PRSS23: variants seen among roughly 807,000 people sequenced by gnomAD.
PRSS23 encodes serine protease 23, also known as protease, serine 23.
PRSS23 carries 25 observed loss-of-function variants against 34.7 expected under a neutral mutation model. The observed-to-expected ratio is 0.72, with a 90% CI of 0.53 to 1.01. The LOEUF is 1.01. Among genes scored for constraint, PRSS23 ranks in the 50% least tolerant of loss-of-function variants. The probability of loss-of-function intolerance (pLI) is 0.00; values close to 1 mark genes in which losing one functional copy is unlikely to be tolerated. For synonymous variants in PRSS23, 176 were observed against 186.6 expected (o/e 0.94, Z 0.46); for missense variants, 445 against 475.6 (o/e 0.94, Z 0.60).
In PRSS23 at chr11:86,808,234, C is replaced by T. The variant is rs779950549; in HGVS notation, c.591C>T (p.Pro197=). 1 of 1,614,048 alleles carries T rather than the reference C, an allele frequency of 6.2e-7. No homozygotes were observed. Among genetic ancestry groups the T allele is most frequent in the Admixed American group, 1.7e-5 (1 of 60,020 alleles). Residue 197 remains proline, a synonymous_variant, in exon 2 of 2, where the codon CCC becomes CCT. Transcript: ENST00000280258. The part of the protein sequence containing the change: ...TQKLRVGFLK[P]KFKDGGRGAN... ...AGCTTCGAGTGGGCTTCCTAAAGCC[C>T]AAGTTTAAAGATGGTGGTCGAGGGG...
chr11:86,823,702 G>A (rs895769592), intron 2 of PRSS23: 2 of 660,048 alleles, frequency 3.0e-6, no homozygotes, highest in Admixed American at 4.3e-5. Flanking sequence ...ATGTCACATT[G>A]GTTTCATCAA....
intron 2 of PRSS23, among the ~76,000 whole-genome samples, chr11:86,864,177 A>G (rs1004267357): frequency 6.6e-6 from 1 of 152,126 alleles, no homozygotes; most frequent in African/African-American, 2.4e-5. Context: ...GACTGCAGCC[A>G]TTACACACAC....
chr11:86,821,409 G>T, intron 1 of PRSS23: 1 of 1,434,066 alleles, frequency 7.0e-7, no homozygotes, highest in Non-Finnish European at 9.8e-7. Flanking sequence ...GGAAAACATT[G>T]ATTGCTCTTC....
chr11:86,922,244 C>T (rs1168102867), intron 2 of PRSS23: 1 of 152,216 alleles, frequency 6.6e-6, no homozygotes, highest in Admixed American at 6.5e-5. Context: ...CCAAGTTAAA[C>T]ATGCCTTGTT....
chr11:86,879,967 G>T (rs1253061524), intron 2 of PRSS23, among the ~76,000 whole-genome samples: 10 of 151,474 alleles, frequency 6.6e-5, no homozygotes, highest in Admixed American at 1.3e-4. Flanking sequence ...CATTGAGAAC[G>T]GGCCATGATG....
At chr11:86,882,450 CAT>C (rs1948777873) in intron 2 of PRSS23, among the ~76,000 whole-genome samples, 2 of 152,104 alleles carry the variant, frequency 1.3e-5, no homozygotes, top group African/African-American at 4.8e-5. Flanking sequence ...TAAGCAAAAA[CAT>C]GTGGTATTTG....
rs368487763 is a variant in PRSS23 at position 86,933,891 on chromosome 11, T to C, written c.207-17325T>C. 22 of 152,362 alleles carry C rather than the reference T, an allele frequency of 1.4e-4. No individual in the cohort carries two copies. In the East Asian group the frequency reaches 4.1e-3, roughly 28 times the overall value. 9.4% of individuals were successfully genotyped at this position (152,362 alleles called of 1,614,324 possible). On this transcript the variant is annotated intron_variant, in intron 2 of 2. Coordinates refer to the PRSS23 transcript ENST00000533902. ...GAACGAGCCCACCTGAGCCTAATGA[T>C]GCGACGAGATCATTGGATTATATAT...
Position 86,886,350 on chromosome 11 carries a change from A to AT in PRSS23, c.206+62760dup, listed in dbSNP as rs374223575. Among the ~76,000 whole-genome samples the AT allele has an allele frequency of 3.0e-3, 463 of 152,292 alleles. 8 individuals carry two copies. Among genetic ancestry groups the AT allele is most frequent in the African/African-American group, 8.5e-3 (354 of 41,562 alleles). ...GACAGCCTGCTTCCCATGATGGATCATTTGTAGGAGTATAAAGACCTCAGC... is the reference window on the plus strand; with the variant it reads ...GACAGCCTGCTTCCCATGATGGATCATTTTGTAGGAGTATAAAGACCTCAGC... On this transcript the variant is annotated intron_variant, in intron 2 of 2. Transcript: ENST00000533902.
In PRSS23 at chr11:86,834,623, G is replaced by A. The variant is rs536670733; in HGVS notation, c.206+11030G>A. 6.0e-5 allele frequency among the ~76,000 whole-genome samples: 8 copies of A among 132,258 alleles called. No individual in the cohort carries two copies. The East Asian group carries it at 8.8e-4, about 15-fold the overall frequency. 86.8% of individuals were successfully genotyped at this position (132,258 alleles called of 152,430 possible). A position where few individuals can be genotyped will look rare whatever the true frequency, so the allele number is the denominator to read the frequency against. ...CTTTCCTTTCCTTTCCTATGACTCC[G>A]GCAGTGTAAGACTGCCACCTCTTTA... On this transcript the variant is annotated intron_variant, in intron 2 of 2. Coordinates refer to the PRSS23 transcript ENST00000533902.
intron 2 of PRSS23, among the ~76,000 whole-genome samples, chr11:86,826,071 C>A (rs868753352): frequency 7.9e-5 from 12 of 152,032 alleles, no homozygotes; most frequent in East Asian, 3.9e-4. Context: ...TACCTTGGGC[C>A]GTATGGCCAT....
At chr11:86,846,197 A>T (rs913273868) in intron 2 of PRSS23, among the ~76,000 whole-genome samples, 1 of 152,082 alleles carries the variant, frequency 6.6e-6, no homozygotes, top group East Asian at 1.9e-4. Context: ...CACCACACCA[A>T]TTCTTTGGTG....
At chr11:86,886,241 C>G (rs1337125371) in intron 2 of PRSS23, among the ~76,000 whole-genome samples, 2 of 152,084 alleles carry the variant, frequency 1.3e-5, no homozygotes, top group African/African-American at 4.8e-5. Flanking sequence ...AGGAATATAG[C>G]CCCACAGTTG....
chr11:86,808,942 C>T lies in PRSS23; in HGVS notation c.*147C>T. ...CTTATAATCTTTTACCTATTTCTTA[C>T]AATTGCAAGATGACTGGCTTTACTA... On this transcript the variant is annotated 3_prime_UTR_variant, in exon 2 of 2. Transcript: ENST00000280258. The T allele has an allele frequency of 1.5e-6, 1 of 672,410 alleles. No homozygotes were observed. Among genetic ancestry groups the T allele is most frequent in the Non-Finnish European group, 2.5e-6 (1 of 404,282 alleles). The allele number at this position is 672,410 out of a possible 1,614,324, so 41.7% of individuals were successfully genotyped here.
chr11:86,845,331 A>G (rs947928296), intron 2 of PRSS23, among the ~76,000 whole-genome samples: 5 of 152,196 alleles, frequency 3.3e-5, no homozygotes, highest in African/African-American at 1.2e-4. Flanking sequence ...AATGCAGGGA[A>G]ACCAGAACTT....
chr11:86,894,714 C>T (rs770966991), intron 2 of PRSS23, among the ~76,000 whole-genome samples: 2 of 152,212 alleles, frequency 1.3e-5, no homozygotes, highest in Non-Finnish European at 2.9e-5. Context: ...TCAAAGCTCA[C>T]AGTGCAGATG....
At position 86,832,296 on chromosome 11, in the gene PRSS23, G is replaced by A. The variant is rs536125849; in HGVS notation, c.206+8703G>A. 1.3e-3 allele frequency among the ~76,000 whole-genome samples: 199 copies of A among 152,166 alleles called. 1 individual carries two copies. The highest frequency in any genetic ancestry group is 4.6e-3 in the African/African-American group (189 of 41,482). Reference sequence around the variant, plus strand: ...TATGACTTCTAATATCACAGAGGGTGTACACCTGGGGATATTTTTCACAAT... The same window carrying A: ...TATGACTTCTAATATCACAGAGGGTATACACCTGGGGATATTTTTCACAAT... On this transcript the variant is annotated intron_variant, in intron 2 of 2. Transcript: ENST00000533902.
At chr11:86,897,513 C>T (rs998153360) in intron 2 of PRSS23, among the ~76,000 whole-genome samples, 1 of 152,244 alleles carries the variant, frequency 6.6e-6, no homozygotes, top group Non-Finnish European at 1.5e-5. Context: ...TGCTCTGTCA[C>T]TCAGGTTGGA....
intron 2 of PRSS23, among the ~76,000 whole-genome samples, chr11:86,863,005 C>T (rs1948626405): frequency 6.6e-6 from 1 of 152,008 alleles, no homozygotes; most frequent in Non-Finnish European, 1.5e-5. Context: ...TTTGTAACAT[C>T]CTAGAAAGAT....
intron 2 of PRSS23, among the ~76,000 whole-genome samples, chr11:86,856,082 A>T (rs1948568793): frequency 6.6e-6 from 1 of 152,180 alleles, no homozygotes; most frequent in African/African-American, 2.4e-5. Flanking sequence ...TTCCCATTTT[A>T]TGTATGTACA....
Sources: allele counts gnomAD v4.1 joint callset (sites outside exome capture counted in the v4.1 genomes callset), GRCh38; gene constraint gnomAD v4.1.1; transcripts MANE v1.5; gene names NCBI Gene and HGNC (gene_info 2026-07-23, HGNC 2026-07-21).